ESR1: variants seen among roughly 807,000 people sequenced by gnomAD.
ESR1 encodes the protein estrogen receptor 1.
A neutral mutation model predicts 52.7 loss-of-function variants in ESR1; 12 were observed. The observed-to-expected ratio is 0.23, with a 90% CI of 0.15 to 0.37. The LOEUF is 0.37. Among genes scored for constraint, ESR1 ranks in the 10% least tolerant of loss-of-function variants. The pLI is 1.00. For missense variants in ESR1, 584 were observed against 779.7 expected (o/e 0.75, Z 2.99); for synonymous variants, 305 against 316.8 (o/e 0.96, Z 0.39).
At chr6:151,735,863 TC>T (rs914357261) in intron 2 of ESR1, among the ~76,000 whole-genome samples, 2 of 152,156 alleles carry the variant, frequency 1.3e-5, no homozygotes. Context: ...GGGGGGCAAT[TC>T]CCCCATGCTG....
intron 1 of ESR1, among the ~76,000 whole-genome samples, chr6:151,676,038 G>A (rs539500689): frequency 6.6e-6 from 1 of 152,318 alleles, no homozygotes; most frequent in South Asian, 2.1e-4. Flanking sequence ...CATCTGAGAA[G>A]GGAGGAAAGC....
chr6:151,756,401 C>T (rs1784290217), intron 2 of ESR1, among the ~76,000 whole-genome samples: 1 of 152,128 alleles, frequency 6.6e-6, no homozygotes, highest in African/African-American at 2.4e-5. Context: ...GCGCGTGCCA[C>T]CATGCCTGGC....
chr6:151,753,589 A>G (rs1784066764), intron 2 of ESR1, among the ~76,000 whole-genome samples: 1 of 152,198 alleles, frequency 6.6e-6, no homozygotes, highest in African/African-American at 2.4e-5. Context: ...AAGTGCTGGG[A>G]TTACAGGCAT....
At position 151,953,254 on chromosome 6, in the gene ESR1, CCCT is replaced by C. The variant is rs141927002; in HGVS notation, c.1096+8747_1096+8749del. ...CCCATTGTGTGCTAACCTCTCTGTG[CCCT>C]AAGTACCAACATAGCCAAGCCAAAG... On this transcript the variant is annotated intron_variant, in intron 4 of 7. Transcript: ENST00000206249. Among the ~76,000 whole-genome samples, 951 of 152,294 alleles carry C rather than the reference CCCT, an allele frequency of 6.2e-3. 30 individuals are homozygous for C. The East Asian group carries it at 0.085, about 14-fold the overall frequency.
At chr6:151,943,100 GC>G (rs1257580581) in intron 3 of ESR1, among the ~76,000 whole-genome samples, 1 of 152,116 alleles carries the variant, frequency 6.6e-6, no homozygotes, top group Non-Finnish European at 1.5e-5. Flanking sequence ...TTTGTGGGGG[GC>G]CGGGCACTGT....
At chr6:152,013,790 C>T (rs901051585) in intron 5 of ESR1, among the ~76,000 whole-genome samples, 3 of 152,158 alleles carry the variant, frequency 2.0e-5, no homozygotes, top group Non-Finnish European at 4.4e-5. Flanking sequence ...TTCCTACTTT[C>T]TAAAACTTCA....
At chr6:151,745,943 TGAATTTTACTACTTTAGATA>T (rs1783447229) in intron 2 of ESR1, among the ~76,000 whole-genome samples, 1 of 152,184 alleles carries the variant, frequency 6.6e-6, no homozygotes. Flanking sequence ...TCTGTTTCTG[TGAATTTTACTACTTTAGATA>T]CCTCATATAA....
intron 2 of ESR1, among the ~76,000 whole-genome samples, chr6:151,757,664 C>T (rs1784388509): frequency 6.6e-6 from 1 of 152,136 alleles, no homozygotes; most frequent in Non-Finnish European, 1.5e-5. Context: ...TTGAAGTTCT[C>T]GCTTGGACCC....
chr6:152,062,541 C>T (rs1436933316), intron 6 of ESR1, among the ~76,000 whole-genome samples: 1 of 152,234 alleles, frequency 6.6e-6, no homozygotes, highest in East Asian at 1.9e-4. Flanking sequence ...TCTGTTTCCA[C>T]TCACGTGCAT....
chr6:151,682,096 C>G (rs1412732928), intron 1 of ESR1, among the ~76,000 whole-genome samples: 1 of 152,202 alleles, frequency 6.6e-6, no homozygotes, highest in African/African-American at 2.4e-5. Flanking sequence ...TAGTATTCAA[C>G]CTTTTATTTC....
chr6:151,862,497 G>A (rs1789061070), intron 2 of ESR1, among the ~76,000 whole-genome samples: 1 of 152,180 alleles, frequency 6.6e-6, no homozygotes, highest in African/African-American at 2.4e-5. Context: ...ATCCTACCAG[G>A]TGTAGCATGA....
At chr6:151,945,736 T>C (rs1228197482) in intron 4 of ESR1, among the ~76,000 whole-genome samples, 2 of 152,322 alleles carry the variant, frequency 1.3e-5, no homozygotes, top group East Asian at 1.9e-4. Context: ...ACTAAAAAAA[T>C]GTGGAGTTTG....
At chr6:151,832,350 CCTT>C (rs1319446322) in intron 1 of ESR1, among the ~76,000 whole-genome samples, 5 of 152,120 alleles carry the variant, frequency 3.3e-5, no homozygotes, top group Non-Finnish European at 7.4e-5. Flanking sequence ...TAGGTAGAGT[CCTT>C]CTTGTCAATT....
intron 2 of ESR1, among the ~76,000 whole-genome samples, chr6:151,796,083 G>A (rs1322799142): frequency 1.3e-5 from 2 of 151,214 alleles, no homozygotes; most frequent in Non-Finnish European, 1.5e-5. Flanking sequence ...GGAGAATGGC[G>A]TGAACCCAGG....
intron 3 of ESR1, among the ~76,000 whole-genome samples, chr6:151,917,474 A>G (rs748832715): frequency 1.3e-5 from 2 of 152,208 alleles, no homozygotes; most frequent in African/African-American, 4.8e-5. Context: ...AAATGTTTTT[A>G]TTAGCAGAAT....
chr6:151,852,639 G>GTTT (rs35050297), intron 2 of ESR1, among the ~76,000 whole-genome samples: 8,394 of 127,748 alleles, frequency 0.066, 643 homozygotes, highest in East Asian at 0.24. Flanking sequence ...CCAAGCAGGT[G>GTTT]TTTTTTTTTT....
At chr6:151,961,308 A>G (rs2037630559) in intron 4 of ESR1, among the ~76,000 whole-genome samples, 1 of 152,196 alleles carries the variant, frequency 6.6e-6, no homozygotes, top group Non-Finnish European at 1.5e-5. Flanking sequence ...GTGAAAGACA[A>G]ATGAAGATGG....
intron 6 of ESR1, among the ~76,000 whole-genome samples, chr6:152,078,163 G>C (rs1014695695): frequency 1.4e-4 from 21 of 152,150 alleles, no homozygotes; most frequent in African/African-American, 5.1e-4. Context: ...CTGTTCTTGT[G>C]GTAGTGAGTA....
At chr6:151,697,511 T>G (rs2115392023) in intron 1 of ESR1, among the ~76,000 whole-genome samples, 1 of 152,364 alleles carries the variant, frequency 6.6e-6, no homozygotes, top group South Asian at 2.1e-4. Flanking sequence ...GCCTTATATG[T>G]GTAAAATGCT....
Sources: gnomAD v4.1 joint callset for allele counts (sites outside exome capture counted in the v4.1 genomes callset) on GRCh38, gnomAD v4.1.1 for gene constraint, MANE v1.5 for transcripts, NCBI Gene and HGNC (gene_info 2026-07-23, HGNC 2026-07-21) for gene names.